ZNF354C: variants seen among roughly 807,000 people sequenced by gnomAD.
ZNF354C encodes the protein KRAB-zinc finger protein synten.
A neutral mutation model predicts 12.4 loss-of-function variants in ZNF354C; 7 were observed. That is an observed-to-expected ratio of 0.56 (90% CI 0.32 to 1.06). The LOEUF is 1.06. Among genes scored for constraint, ZNF354C ranks in the 50% least tolerant of loss-of-function variants. The pLI, the probability that ZNF354C is intolerant of heterozygous loss-of-function variation, is 0.04. For missense variants in ZNF354C, 609 were observed against 658.0 expected, an observed-to-expected ratio of 0.93 and a Z score of 0.81; for synonymous variants, 202 against 224.5, an observed-to-expected ratio of 0.90 and a Z score of 0.90.
At chr5:179,075,295 G>T (rs1762103178) in intron 2 of ZNF354C, among the ~76,000 whole-genome samples, 1 of 151,378 alleles carries the variant, frequency 6.6e-6, no homozygotes, top group African/African-American at 2.4e-5. Flanking sequence ...GGTGGTATGT[G>T]CCTGTAGTCC....
At chr5:179,063,767 C>T (rs1389431430) in intron 2 of ZNF354C, among the ~76,000 whole-genome samples, 1 of 152,116 alleles carries the variant, frequency 6.6e-6, no homozygotes, top group Non-Finnish European at 1.5e-5. Context: ...GCTTTTGATC[C>T]CAACAAGACA....
At chr5:179,071,846 C>G (rs1313830020) in intron 2 of ZNF354C, among the ~76,000 whole-genome samples, 1 of 152,166 alleles carries the variant, frequency 6.6e-6, no homozygotes, top group Non-Finnish European at 1.5e-5. Context: ...ATGCACAGGA[C>G]AGACTCAAAG....
intron 4 of ZNF354C, among the ~76,000 whole-genome samples, chr5:179,077,646 T>A (rs997514737): frequency 9.2e-5 from 14 of 152,012 alleles, no homozygotes; most frequent in Non-Finnish European, 1.5e-4. Context: ...ATGAAAAAAA[T>A]TGTTATTCTT....
In ZNF354C at chr5:179,078,876, T is replaced by C. The variant is rs780681832; in HGVS notation, c.444T>C (p.Asp148=). ...AGAAACCTCTTAGACAAATGATAGA[T>C]TCGCATGAGAAAACCATCAGTGAAG... ...QEKKPLRQMI[D]SHEKTISEDG... Residue 148 remains aspartate (D), a synonymous_variant, in exon 5 of 5, where the codon GAT becomes GAC. Transcript: ENST00000315475. 3.1e-6 allele frequency: 5 copies of C among 1,614,058 alleles called. No individual in the cohort carries two copies. The highest frequency in any genetic ancestry group is 3.4e-6 in the Non-Finnish European group (4 of 1,179,988).
Position 179,083,382 on chromosome 5 carries a change from T to C in ZNF354C, c.*3285T>C, listed in dbSNP as rs73806877. ...TTTTTTTTTAAGTTTTGAAAAGTCA[T>C]GATGTTGACAGCATATTTTCAAATA... On this transcript the variant is annotated 3_prime_UTR_variant, in exon 5 of 5. Transcript: ENST00000315475. 1,376 of 155,374 alleles carry C rather than the reference T, an allele frequency of 8.9e-3. 22 individuals carry two copies. Among genetic ancestry groups the C allele is most frequent in the African/African-American group, 0.031 (1,306 of 41,660 alleles). The allele number at this position is 155,374 out of a possible 1,614,324, so 9.6% of individuals were successfully genotyped here.
intron 2 of ZNF354C, among the ~76,000 whole-genome samples, chr5:179,071,258 G>A (rs1235540214): frequency 6.6e-6 from 1 of 151,868 alleles, no homozygotes; most frequent in Non-Finnish European, 1.5e-5. Context: ...GATACCACAC[G>A]CTAACGAGAA....
At chr5:179,062,552 C>T (rs1236807671) in intron 2 of ZNF354C, among the ~76,000 whole-genome samples, 2 of 152,108 alleles carry the variant, frequency 1.3e-5, no homozygotes, top group Admixed American at 6.5e-5. Flanking sequence ...TCTGGGAGTT[C>T]GTGGTATCGA....
rs927421510 is a variant in ZNF354C, at chr5:179,078,717, T to G, written c.285T>G (p.Pro95=). 6.2e-7 allele frequency: 1 copy of G among 1,610,666 alleles called. No individual in the cohort carries two copies. Among genetic ancestry groups the G allele is most frequent in the Non-Finnish European group, 8.5e-7 (1 of 1,179,130 alleles). Residue 95 remains proline, a synonymous_variant, in exon 5 of 5, where the codon CCT becomes CCG. Transcript: ENST00000315475. ...CTTGGCTTGAAACAGAAGCATTGCC[T>G]CATAGACAGGACATTTTTATAGAAG... The part of the protein sequence containing the change: ...FKTWLETEAL[P]HRQDIFIEET...
chr5:179,074,239 C>T (rs1048249050), intron 2 of ZNF354C, among the ~76,000 whole-genome samples: 2 of 152,012 alleles, frequency 1.3e-5, no homozygotes, highest in Non-Finnish European at 2.9e-5. Context: ...CGTCAGCCTC[C>T]CAAAGTGCTG....
intron 2 of ZNF354C, among the ~76,000 whole-genome samples, chr5:179,071,147 G>A (rs550005044): frequency 4.6e-5 from 7 of 152,064 alleles, no homozygotes; most frequent in Non-Finnish European, 8.8e-5. Flanking sequence ...CACTGTGCCT[G>A]ACCCTGATCT....
chr5:179,063,492 G>A (rs1221086432), intron 2 of ZNF354C, among the ~76,000 whole-genome samples: 2 of 152,172 alleles, frequency 1.3e-5, no homozygotes, highest in Non-Finnish European at 2.9e-5. Flanking sequence ...CCAGGAATTC[G>A]AGGCTGCAAG....
At chr5:179,069,114 T>C (rs1272649565) in intron 2 of ZNF354C, among the ~76,000 whole-genome samples, 2 of 152,224 alleles carry the variant, frequency 1.3e-5, no homozygotes, top group Non-Finnish European at 2.9e-5. Flanking sequence ...TGCAGCTGTC[T>C]GAATGGACTT....
chr5:179,082,792 T>C lies in ZNF354C; in HGVS notation c.*2695T>C. On this transcript the variant is annotated 3_prime_UTR_variant, in exon 5 of 5. Coordinates refer to ENST00000315475, the MANE Select transcript of ZNF354C (RefSeq NM_014594.3). Reference sequence around the variant, plus strand: ...GGATCACTGGCATCATCCAGGGTGATGTTCTTCAAGCGACTGACCAACCGA... The same window carrying C: ...GGATCACTGGCATCATCCAGGGTGACGTTCTTCAAGCGACTGACCAACCGA... 1.5e-6 allele frequency: 2 copies of C among 1,365,684 alleles called. No homozygotes were observed. The highest frequency in any genetic ancestry group is 2.1e-6 in the Non-Finnish European group (2 of 955,004). 84.6% of individuals were successfully genotyped at this position (1,365,684 alleles called of 1,614,324 possible). A position where few individuals can be genotyped will look rare whatever the true frequency, so the allele number is the denominator to read the frequency against.
Position 179,079,804 on chromosome 5 carries a change from C to A in ZNF354C, c.1372C>A (p.His458Asn). The change falls in exon 5 of 5, where the codon CAT becomes AAT. Residue 458 changes from histidine (H) to asparagine (N), a missense_variant. His to Asn is a moderately conservative substitution (Grantham distance 68). Transcript: ENST00000315475. The surrounding 1 kb of genome is among the most constrained non-coding windows in gnomAD (Gnocchi z 4.2). ...TGGTTGCAAATCTAACCTTTATAGG[C>A]ATCAGAGAATTCATACTGGAGAGAA... ...AFGCKSNLYR[H>N]QRIHTGEKPY... The A allele has an allele frequency of 6.2e-7, 1 of 1,614,086 alleles. No homozygotes were observed. The highest frequency in any genetic ancestry group is 2.2e-5 in the East Asian group (1 of 44,870).
At chr5:179,072,970 A>G (rs1402853603) in intron 2 of ZNF354C, among the ~76,000 whole-genome samples, 1 of 152,202 alleles carries the variant, frequency 6.6e-6, no homozygotes, top group Non-Finnish European at 1.5e-5. Context: ...ACATATAGCT[A>G]GCTGGTTTCT....
At chr5:179,061,809 A>G (rs939224136) in intron 1 of ZNF354C, among the ~76,000 whole-genome samples, 1 of 152,178 alleles carries the variant, frequency 6.6e-6, no homozygotes, top group Non-Finnish European at 1.5e-5. Flanking sequence ...GAGAGGCCCG[A>G]AGGTGGAAGT....
Position 179,062,009 on chromosome 5 carries a change from C to T in ZNF354C, c.-54-6C>T. ...GGGTTCCTCTTGACACCTTTTTCCT[C>T]TGCAGACCCACCGTGTCCACACTCT... On this transcript the variant is annotated splice_region_variant and splice_polypyrimidine_tract_variant and intron_variant, in intron 1 of 4. Coordinates refer to ENST00000315475, the MANE Select transcript of ZNF354C (RefSeq NM_014594.3). The T allele has an allele frequency of 6.2e-7, 1 of 1,602,832 alleles. No individual in the cohort carries two copies. Among genetic ancestry groups the T allele is most frequent in the Non-Finnish European group, 8.5e-7 (1 of 1,170,170 alleles).
Position 179,080,963 on chromosome 5 carries a change from T to G in ZNF354C, c.*866T>G, listed in dbSNP as rs1031264638. The G allele has an allele frequency of 6.6e-6, 1 of 151,784 alleles. No homozygotes were observed. Among genetic ancestry groups the G allele is most frequent in the Non-Finnish European group, 1.5e-5 (1 of 68,026 alleles). The allele number at this position is 151,784 out of a possible 1,614,324, so 9.4% of individuals were successfully genotyped here. On this transcript the variant is annotated 3_prime_UTR_variant, in exon 5 of 5. Coordinates refer to ENST00000315475, the MANE Select transcript of ZNF354C (RefSeq NM_014594.3). ...ATTAGAGCCAGGAGAGATTTTAGTT[T>G]AATTATAGCCTTTCATTGTACTAAC...
Position 179,079,425 on chromosome 5 carries a change from C to T in ZNF354C, c.993C>T (p.Gly331=), listed in dbSNP as rs1022352715. 15 of 1,613,398 alleles carry T rather than the reference C, an allele frequency of 9.3e-6. No individual in the cohort carries two copies. The highest frequency in any genetic ancestry group is 2.2e-5 in the East Asian group (1 of 44,784). The change falls in exon 5 of 5, where the codon GGC becomes GGT. Residue 331 remains glycine, a synonymous_variant. Coordinates refer to ENST00000315475, the MANE Select transcript of ZNF354C (RefSeq NM_014594.3). This position sits in a 1 kb window ranked among gnomAD's most constrained non-coding sequence, Gnocchi z 4.2. ...IHTGEKLYKC[G]ECEKAFNCRA... is the part of the protein sequence containing the mutation. ...CTGGAGAGAAACTCTATAAATGCGG[C>T]GAATGTGAGAAGGCCTTCAACTGTA...
Sources: gnomAD v4.1 joint callset for allele counts (sites outside exome capture counted in the v4.1 genomes callset) on GRCh38, gnomAD v4.1.1 for gene constraint, Gnocchi (gnomAD v3.1) non-coding constraint, MANE v1.5 for transcripts, NCBI Gene and HGNC (gene_info 2026-07-23, HGNC 2026-07-21) for gene names.